The following RASSF8 variants were observed in gnomAD, a reference collection of about 807,000 sequenced individuals.
The protein encoded by RASSF8 is ras association domain-containing protein 8.
Under a neutral mutation model 48.5 loss-of-function variants are expected in RASSF8, and 22 were observed. The observed-to-expected ratio is 0.45, with a 90% CI of 0.32 to 0.65. The LOEUF is 0.65. Among genes scored for constraint, RASSF8 ranks in the 30% least tolerant of loss-of-function variants. The pLI, the probability that RASSF8 is intolerant of heterozygous loss-of-function variation, is 0.03. For synonymous variants in RASSF8, 127 were observed against 171.5 expected (o/e 0.74, Z 2.03); for missense variants, 418 against 489.2 (o/e 0.85, Z 1.37).
intron 1 of RASSF8, among the ~76,000 whole-genome samples, 184 bp from the exon 2 acceptor site, chr12:25,994,853 A>G (rs1024825289): frequency 4.6e-5 from 7 of 152,196 alleles, no homozygotes; most frequent in African/African-American, 1.7e-4. Flanking sequence ...CCCACCCCAC[A>G]AGGACTGCAA....
intron 3 of RASSF8, among the ~76,000 whole-genome samples, chr12:26,057,062 A>C (rs1187213695): frequency 6.6e-6 from 1 of 151,372 alleles, no homozygotes; most frequent in Non-Finnish European, 1.5e-5. Context: ...AAGGTAGTTG[A>C]GTAGTGCTAT....
intron 1 of RASSF8, among the ~76,000 whole-genome samples, chr12:25,963,094 G>A (rs1204472038): frequency 6.6e-6 from 1 of 152,100 alleles, no homozygotes. Context: ...TCGGCTGGTG[G>A]TGCCAGACAT....
chr12:25,999,914 A>G (rs1942217105), intron 2 of RASSF8, among the ~76,000 whole-genome samples: 1 of 152,236 alleles, frequency 6.6e-6, no homozygotes, highest in Non-Finnish European at 1.5e-5. Context: ...AAAGGAAACT[A>G]GTGAACTTTG....
chr12:26,013,957 C>G (rs1942586505), intron 2 of RASSF8, among the ~76,000 whole-genome samples: 1 of 152,214 alleles, frequency 6.6e-6, no homozygotes, highest in South Asian at 2.1e-4. Context: ...TAAACCCCAT[C>G]TGAGTAAATG....
At chr12:25,980,389 G>A (rs1441743940) in intron 1 of RASSF8, among the ~76,000 whole-genome samples, 1 of 152,176 alleles carries the variant, frequency 6.6e-6, no homozygotes, top group East Asian at 1.9e-4. Flanking sequence ...AAGAGTAAAT[G>A]CAGTAACTGC....
intron 2 of RASSF8, among the ~76,000 whole-genome samples, chr12:26,054,835 C>G (rs1035831698): frequency 6.6e-6 from 1 of 152,122 alleles, no homozygotes; most frequent in African/African-American, 2.4e-5. Context: ...ACACTGCACA[C>G]TGCAAAGTGG....
intron 1 of RASSF8, among the ~76,000 whole-genome samples, chr12:25,968,315 C>T (rs957008363): frequency 6.6e-6 from 1 of 152,008 alleles, no homozygotes; most frequent in Non-Finnish European, 1.5e-5. Flanking sequence ...TCCTTGGCAT[C>T]ACTCTTTCTT....
At position 26,069,434 on chromosome 12, in the gene RASSF8, A is replaced by G. The variant is rs192593023; in HGVS notation, c.*616A>G. On this transcript the variant is annotated 3_prime_UTR_variant, in exon 6 of 6. Transcript: ENST00000689635. ...AGGTGAAATAATTCAGGGTTTTTTA[A>G]ATCTGGAATTTAGTCGTTCCTTTAC... 6.1e-6 allele frequency: 6 copies of G among 985,414 alleles called. No homozygotes were observed. The Admixed American group carries it at 3.7e-4, about 61-fold the overall frequency. The allele number at this position is 985,414 out of a possible 1,614,324, so 61.0% of individuals were successfully genotyped here.
intron 2 of RASSF8, among the ~76,000 whole-genome samples, chr12:26,054,023 A>C (rs1252898196): frequency 6.6e-6 from 1 of 152,212 alleles, no homozygotes; most frequent in South Asian, 2.1e-4. Flanking sequence ...AAAAATTTCT[A>C]GTGTTTTTAA....
chr12:26,001,659 C>T (rs1724816167), intron 2 of RASSF8, among the ~76,000 whole-genome samples: 1 of 151,994 alleles, frequency 6.6e-6, no homozygotes, highest in Non-Finnish European at 1.5e-5. Flanking sequence ...TTTTCACCTC[C>T]ACATCCTGTC....
intron 3 of RASSF8, among the ~76,000 whole-genome samples, chr12:26,061,709 A>G (rs929914119): frequency 6.6e-5 from 10 of 152,204 alleles, no homozygotes; most frequent in Admixed American, 5.9e-4. Context: ...AAGGAAATAG[A>G]ATCTGTAGAG....
At chr12:25,965,047 A>G (rs951594208) in intron 1 of RASSF8, among the ~76,000 whole-genome samples, 7 of 151,396 alleles carry the variant, frequency 4.6e-5, no homozygotes, top group African/African-American at 1.7e-4. Flanking sequence ...GGTTCATGCC[A>G]TTCTCCCGCC....
At chr12:26,056,150 A>G (rs1020802794) in intron 3 of RASSF8, among the ~76,000 whole-genome samples, 5 of 152,226 alleles carry the variant, frequency 3.3e-5, no homozygotes, top group Non-Finnish European at 1.5e-5. Context: ...ATGCCACTGC[A>G]CTACAGCTTG....
chr12:25,989,086 C>T (rs1441658023), intron 1 of RASSF8, among the ~76,000 whole-genome samples: 1 of 152,206 alleles, frequency 6.6e-6, no homozygotes, highest in Admixed American at 6.5e-5. Context: ...GACAGATTTA[C>T]AATGTCTCCT....
intron 1 of RASSF8, among the ~76,000 whole-genome samples, chr12:25,987,797 T>A (rs182521293): frequency 7.2e-5 from 11 of 152,302 alleles, no homozygotes; most frequent in Admixed American, 4.6e-4. Context: ...AGCTCTTTTT[T>A]AAAAAGAGAA....
intron 3 of RASSF8, among the ~76,000 whole-genome samples, chr12:26,058,133 C>T (rs1423115709): frequency 6.8e-6 from 1 of 147,184 alleles, no homozygotes; most frequent in Non-Finnish European, 1.6e-5. Flanking sequence ...TTCTCAATAA[C>T]TCAATCCAAG....
intron 1 of RASSF8, among the ~76,000 whole-genome samples, chr12:25,975,914 T>G (rs564346489): frequency 1.8e-3 from 270 of 152,202 alleles, no homozygotes; most frequent in Non-Finnish European, 2.7e-3. Context: ...CAGAGTACCT[T>G]TGGGAAGCAG....
At chr12:25,979,405 G>C (rs776747051) in intron 1 of RASSF8, among the ~76,000 whole-genome samples, 5 of 151,416 alleles carry the variant, frequency 3.3e-5, no homozygotes, top group Non-Finnish European at 5.9e-5. Context: ...ATAAGGGCTT[G>C]ATTTTTGGCA....
In RASSF8 at chr12:26,068,716, G is replaced by A. The variant is rs1268913234; in HGVS notation, c.1158G>A (p.Gly386=). Residue 386 remains glycine (G), a synonymous_variant, in exon 6 of 6, where the codon GGG becomes GGA. Transcript: ENST00000689635. ...DIEREAPFQS[G]SLKRPGSSRQ... ...GTTTAGAGGCACCATTCCAGTCTGG[G>A]TCCCTGAAGCGACCTGGTTCATCTC... is the stretch of plus-strand genomic sequence containing the variant. 22 of 1,537,218 alleles carry A rather than the reference G, an allele frequency of 1.4e-5. No homozygotes were observed. The highest frequency in any genetic ancestry group is 1.8e-5 in the Non-Finnish European group (21 of 1,146,900).
Sources: allele counts gnomAD v4.1 joint callset (sites outside exome capture counted in the v4.1 genomes callset), GRCh38; gene constraint gnomAD v4.1.1; transcripts MANE v1.5; gene names NCBI Gene and HGNC (gene_info 2026-07-23, HGNC 2026-07-21).